CCDC9: variants seen among roughly 807,000 people sequenced by gnomAD.
CCDC9 encodes coiled-coil domain-containing protein 9.
CCDC9 carries 52 observed loss-of-function variants against 65.6 expected under a neutral mutation model. That is an observed-to-expected ratio of 0.79 (90% CI 0.63 to 1.00). The LOEUF (loss-of-function observed/expected upper bound fraction) is 1.00. CCDC9 is among the 50% of genes least tolerant of loss of function. The pLI, the probability that CCDC9 is intolerant of heterozygous loss-of-function variation, is 0.00. For missense variants in CCDC9, 834 were observed against 757.2 expected (o/e 1.10, Z -1.19); for synonymous variants, 332 against 280.3 (o/e 1.18, Z -1.84).
downstream of CCDC9, chr19:47,275,000 G>A: frequency 6.8e-7 from 1 of 1,473,954 alleles, no homozygotes; most frequent in Non-Finnish European, 9.0e-7. Flanking sequence ...GGGGGCGCTG[G>A]CTGCGCTTGG....
intron 3 of CCDC9, among the ~76,000 whole-genome samples, chr19:47,259,832 G>A (rs1419008322): frequency 1.3e-5 from 2 of 152,160 alleles, no homozygotes; most frequent in African/African-American, 4.8e-5. Flanking sequence ...AATGGGATGA[G>A]AACAGAGAGG....
chr19:47,257,946 G>A (rs1245706522), intron 1 of CCDC9: 1 of 186,538 alleles, frequency 5.4e-6, no homozygotes, highest in African/African-American at 2.4e-5. Flanking sequence ...CTGGTTGGAG[G>A]GGTTGTAGTT....
In CCDC9 at chr19:47,271,953, A is replaced by G. The variant is rs893102550; in HGVS notation, c.*275A>G. On this transcript the variant is annotated 3_prime_UTR_variant, in exon 12 of 12. Transcript: ENST00000221922. ...CCCAATAAAGAATTCACATCCTCCA[A>G]TGACATTCCCCCAGGTGTGTCCTTG... 49 of 1,288,220 alleles carry G rather than the reference A, an allele frequency of 3.8e-5. No individual in the cohort carries two copies. Among genetic ancestry groups the G allele is most frequent in the East Asian group, 2.9e-4 (10 of 34,564 alleles). 79.8% of individuals were successfully genotyped at this position (1,288,220 alleles called of 1,614,324 possible).
intron 7 of CCDC9, among the ~76,000 whole-genome samples, chr19:47,265,521 C>G (rs947050121): frequency 2.0e-5 from 3 of 152,074 alleles, no homozygotes; most frequent in African/African-American, 7.2e-5. Flanking sequence ...TGTCCTTGCA[C>G]TTGGTGGTCC....
At chr19:47,257,551 G>C (rs1028802904) in intron 1 of CCDC9, 1 of 152,528 alleles carries the variant, frequency 6.6e-6, no homozygotes, top group Non-Finnish European at 1.5e-5. Context: ...ATTGAGGCTG[G>C]AGCTTTGCAC....
chr19:47,274,222 C>A (rs1043707131), downstream of CCDC9, among the ~76,000 whole-genome samples: 1 of 151,952 alleles, frequency 6.6e-6, no homozygotes, highest in African/African-American at 2.4e-5. Context: ...TGAAAGCGGG[C>A]TGAGAGTGTG....
Position 47,264,802 on chromosome 19 carries a change from G to T in CCDC9, c.576G>T (p.Arg192=). The T allele has an allele frequency of 6.3e-7, 1 of 1,584,704 alleles. No individual in the cohort carries two copies. Among genetic ancestry groups the T allele is most frequent in the Non-Finnish European group, 8.6e-7 (1 of 1,163,372 alleles). ...GGGTTCTTGAACCCAACCCAGTGCG[G>T]AACTTCCTGGACGACCCCCGGCGAC... is the stretch of plus-strand genomic sequence containing the variant. ...REGVLEPNPV[R]NFLDDPRRRS... The change falls in exon 7 of 12, where the codon CGG becomes CGT. Residue 192 remains arginine (R), a synonymous_variant. Coordinates refer to ENST00000221922, the MANE Select transcript of CCDC9 (RefSeq NM_015603.3).
At chr19:47,265,749 G>A (rs1403220846) in intron 7 of CCDC9, among the ~76,000 whole-genome samples, 3 of 150,524 alleles carry the variant, frequency 2.0e-5, no homozygotes, top group African/African-American at 4.9e-5. Context: ...GTGCAGTGGC[G>A]TGATCTTGGC....
At chr19:47,260,506 C>A in intron 4 of CCDC9, 82 bp from the exon 5 acceptor site, 1 of 1,596,656 alleles carries the variant, frequency 6.3e-7, no homozygotes, top group South Asian at 1.1e-5. Context: ...CCCCAGCTGT[C>A]CTGCACCAGT....
rs1309180297 is a variant in CCDC9 at position 47,258,327 on chromosome 19, C to G, written c.-71-3C>G. The stretch of plus-strand genomic sequence containing the variant: ...TTTGTCCTTTTTTTCCCTCTGTCCC[C>G]AGGAACCCTCAGTGCTGCGTCTAGA... On this transcript the variant is annotated splice_polypyrimidine_tract_variant and splice_region_variant and intron_variant, in intron 1 of 11. Transcript: ENST00000221922. 1 of 1,552,032 alleles carries G rather than the reference C, an allele frequency of 6.4e-7. No individual in the cohort carries two copies. The highest frequency in any genetic ancestry group is 8.9e-7 in the Non-Finnish European group (1 of 1,124,468).
rs1491385125 is a variant in CCDC9, at chr19:47,271,688, CCT to C, written c.*11_*12del. The C allele has an allele frequency of 2.8e-3, 3,874 of 1,364,856 alleles. 158 individuals are homozygous for C. In the African/African-American group the frequency reaches 0.054, roughly 19 times the overall value. 84.5% of individuals were successfully genotyped at this position (1,364,856 alleles called of 1,614,324 possible). On this transcript the variant is annotated 3_prime_UTR_variant, in exon 12 of 12. Coordinates refer to ENST00000221922, the MANE Select transcript of CCDC9 (RefSeq NM_015603.3). ...TTTTGAGAGTGTATGAAGCTGGCTG[CCT>C]GTGTGTGTGTGTGTGTGTGTGTGTG...
chr19:47,274,284 G>A (rs1208895398), downstream of CCDC9, among the ~76,000 whole-genome samples: 1 of 151,098 alleles, frequency 6.6e-6, no homozygotes, highest in East Asian at 2.0e-4. Flanking sequence ...GGGCGGGGCC[G>A]GAATCCTGAC....
At chr19:47,273,602 G>C, downstream of CCDC9, 1 of 400,842 alleles carries the variant, frequency 2.5e-6, no homozygotes, top group Non-Finnish European at 4.3e-6. Context: ...GCCGGGCGGG[G>C]CCAGGGCAGT....
chr19:47,271,221 G>A (rs1300654955), intron 11 of CCDC9, 34 bp downstream of exon 11: 1 of 1,607,680 alleles, frequency 6.2e-7, no homozygotes, highest in Middle Eastern at 1.7e-4. Flanking sequence ...GCACGGGCCT[G>A]GGGTGGGGGC....
chr19:47,260,417 G>C lies in CCDC9; in HGVS notation c.205G>C (p.Glu69Gln), dbSNP rs375954300. 1.2e-6 allele frequency: 2 copies of C among 1,608,460 alleles called. No individual in the cohort carries two copies. The highest frequency in any genetic ancestry group is 1.7e-6 in the Non-Finnish European group (2 of 1,177,524). Residue 69 changes from glutamate (E) to glutamine (Q), a missense_variant, in exon 4 of 12, where the codon GAG becomes CAG. Glu to Gln is a conservative substitution (Grantham distance 29). Transcript: ENST00000221922. ...RSVEKENVAV[E>Q]SEKNLGPSRR... The stretch of plus-strand genomic sequence containing the variant: ...AGTGGAGAAGGAGAACGTGGCAGTG[G>C]AGTCGGTGAGCTCGTCACTGGGGTG...
intron 7 of CCDC9, 55 bp downstream of exon 7, chr19:47,265,001 C>T: frequency 7.2e-7 from 1 of 1,387,216 alleles, no homozygotes; most frequent in Non-Finnish European, 9.4e-7. Flanking sequence ...ATGGGGACTG[C>T]ATAGCAGGAA....
chr19:47,270,306 C>T lies in CCDC9; in HGVS notation c.903-101C>T. On this transcript the variant is annotated intron_variant, in intron 8 of 11. Coordinates refer to ENST00000221922, the MANE Select transcript of CCDC9 (RefSeq NM_015603.3). ...TAGTGTCCCCTGTCTGGTTGACCGT[C>T]TGTCTCTGATCCGATTCCTGACCCT... 4 of 1,146,000 alleles carry T rather than the reference C, an allele frequency of 3.5e-6. 1 individual carries two copies. In the South Asian group the frequency reaches 5.3e-5, roughly 15 times the overall value. 71.0% of individuals were successfully genotyped at this position (1,146,000 alleles called of 1,614,324 possible).
downstream of CCDC9, chr19:47,274,668 G>A (rs376623607): frequency 8.2e-6 from 2 of 245,300 alleles, no homozygotes; most frequent in Non-Finnish European, 1.4e-5. Context: ...GGGGTGGTGG[G>A]GCTAAGCGCG....
chr19:47,275,107 C>T, downstream of CCDC9: 4 of 1,492,926 alleles, frequency 2.7e-6, no homozygotes, highest in South Asian at 2.5e-5. Flanking sequence ...TCTCCCGCGG[C>T]ACCCGCCGGC....
Sources: gnomAD v4.1 joint callset for allele counts (sites outside exome capture counted in the v4.1 genomes callset) on GRCh38, gnomAD v4.1.1 for gene constraint, MANE v1.5 for transcripts, NCBI Gene and HGNC (gene_info 2026-07-23, HGNC 2026-07-21) for gene names.